The following CAPZB variants were observed in gnomAD, a reference collection of about 807,000 sequenced individuals.
The protein encoded by CAPZB is capping actin protein of muscle Z-line subunit beta.
CAPZB carries 2 observed loss-of-function variants against 38.1 expected under a neutral mutation model. The observed-to-expected ratio is 0.05, with a 90% CI of 0.02 to 0.17. The LOEUF (loss-of-function observed/expected upper bound fraction) is 0.17, where lower values mean the gene tolerates loss of function less well. CAPZB is among the 10% of genes least tolerant of loss of function. The pLI, the probability that CAPZB is intolerant of heterozygous loss-of-function variation, is 1.00. For missense variants in CAPZB, 161 were observed against 334.2 expected (o/e 0.48, Z 4.04); for synonymous variants, 107 against 127.4 (o/e 0.84, Z 1.08).
At chr1:19,455,047 T>A (rs1465857453) in intron 1 of CAPZB, among the ~76,000 whole-genome samples, 1 of 152,170 alleles carries the variant, frequency 6.6e-6, no homozygotes, top group African/African-American at 2.4e-5. Context: ...GCAGCCAGGA[T>A]GCGGAGGGCC....
intron 1 of CAPZB, among the ~76,000 whole-genome samples, chr1:19,431,550 T>C (rs2094441751): frequency 6.6e-6 from 1 of 150,934 alleles, no homozygotes; most frequent in Non-Finnish European, 1.5e-5. Flanking sequence ...TGAAACCCCG[T>C]CTCTACTAAA....
At chr1:19,422,941 A>AAGAC (rs1204694338) in intron 1 of CAPZB, among the ~76,000 whole-genome samples, 6 of 152,232 alleles carry the variant, frequency 3.9e-5, no homozygotes, top group Non-Finnish European at 5.9e-5. Flanking sequence ...TATCTAGGAA[A>AAGAC]AGACCTAAGT....
At chr1:19,458,581 C>A (rs1437698933) in intron 1 of CAPZB, among the ~76,000 whole-genome samples, 1 of 152,228 alleles carries the variant, frequency 6.6e-6, no homozygotes, top group African/African-American at 2.4e-5. Context: ...GTCTTTAACT[C>A]CTGACCTCAG....
intron 6 of CAPZB, among the ~76,000 whole-genome samples, chr1:19,352,463 C>T (rs756350456): frequency 3.3e-5 from 5 of 152,238 alleles, no homozygotes; most frequent in South Asian, 2.1e-4. Flanking sequence ...TTTACAATCT[C>T]GCCTCTTTCC....
At position 19,390,698 on chromosome 1, in the gene CAPZB, G is replaced by A. The variant is rs138748178; in HGVS notation, c.94-5072C>T. Among the ~76,000 whole-genome samples the A allele has an allele frequency of 1.8e-3, 279 of 152,250 alleles. 2 individuals are homozygous for A. The highest frequency in any genetic ancestry group is 5.5e-3 in the African/African-American group (230 of 41,534). ...CCACTGGAAAGACGGGTGGGGAGTGGGTAAAGTGAACTAGGGCAGGGAAAA... is the reference window on the plus strand; with the variant it reads ...CCACTGGAAAGACGGGTGGGGAGTGAGTAAAGTGAACTAGGGCAGGGAAAA... On this transcript the variant is annotated intron_variant, in intron 2 of 8. Coordinates refer to ENST00000264202, the MANE Select transcript of CAPZB (RefSeq NM_004930.5).
At chr1:19,446,339 T>C (rs2094495865) in intron 1 of CAPZB, among the ~76,000 whole-genome samples, 1 of 152,106 alleles carries the variant, frequency 6.6e-6, no homozygotes, top group Non-Finnish European at 1.5e-5. Flanking sequence ...TCAATTACGG[T>C]GAAAAGCCAT....
At chr1:19,377,834 G>A (rs11585834) in intron 4 of CAPZB, among the ~76,000 whole-genome samples, 18,510 of 152,222 alleles carry the variant, frequency 0.12, 2,387 homozygotes, top group African/African-American at 0.33. Context: ...AGGATTAGAC[G>A]GAGCAGGAAG....
chr1:19,366,307 T>TATATATATATAA, intron 4 of CAPZB, among the ~76,000 whole-genome samples: 1 of 74,168 alleles, frequency 1.3e-5, no homozygotes, highest in Non-Finnish European at 2.8e-5. Flanking sequence ...TATATATATA[T>TATATATATATAA]ATAAATAAAA....
chr1:19,457,152 C>T (rs1340422), intron 1 of CAPZB, among the ~76,000 whole-genome samples: 139,825 of 152,238 alleles, frequency 0.92, 65,335 homozygotes, highest in East Asian at 1. Context: ...ATTAGAGACA[C>T]TCACAAAGGG....
At chr1:19,472,431 G>A (rs12144487) in intron 1 of CAPZB, among the ~76,000 whole-genome samples, 73,291 of 152,058 alleles carry the variant, frequency 0.48, 19,073 homozygotes, top group Admixed American at 0.6. Context: ...GTCCCTGGCC[G>A]CAGGTGTAAC....
At chr1:19,439,763 C>T (rs2094469692) in intron 1 of CAPZB, among the ~76,000 whole-genome samples, 1 of 152,266 alleles carries the variant, frequency 6.6e-6, no homozygotes, top group East Asian at 1.9e-4. Context: ...CGAGACCACT[C>T]GCCCTCGGCT....
chr1:19,481,678 G>A (rs192052094), intron 1 of CAPZB, among the ~76,000 whole-genome samples: 2 of 152,322 alleles, frequency 1.3e-5, no homozygotes, highest in Admixed American at 1.3e-4. Context: ...TGGCTGTGCA[G>A]AGGAGCGGAC....
At chr1:19,477,926 C>T (rs949334995) in intron 1 of CAPZB, among the ~76,000 whole-genome samples, 5 of 152,138 alleles carry the variant, frequency 3.3e-5, no homozygotes, top group Admixed American at 2.6e-4. Flanking sequence ...TTGGTAAATA[C>T]GATGCCTGAA....
chr1:19,484,326 G>C (rs2094642716), intron 1 of CAPZB: 1 of 1,588,974 alleles, frequency 6.3e-7, no homozygotes, highest in Non-Finnish European at 8.6e-7. Context: ...GCCCCCCAAG[G>C]CCACGGCCTC....
chr1:19,485,535 A>C lies in CAPZB; in HGVS notation c.-97T>G. On this transcript the variant is annotated 5_prime_UTR_variant, in exon 1 of 9. Transcript: ENST00000264202. ...CCACTTCCCCGGGTGCCCAGGAGTG[A>C]ACATCCGGGTCAGCACCCCCCTCCC... 9.7e-7 allele frequency: 1 copy of C among 1,035,594 alleles called. No individual in the cohort carries two copies. The highest frequency in any genetic ancestry group is 1.7e-5 in the African/African-American group (1 of 60,292). The allele number at this position is 1,035,594 out of a possible 1,614,324, so 64.2% of individuals were successfully genotyped here. A position where few individuals can be genotyped will look rare whatever the true frequency, so the allele number is the denominator to read the frequency against.
At chr1:19,384,061 C>T (rs2100452920) in intron 3 of CAPZB, among the ~76,000 whole-genome samples, 1 of 152,318 alleles carries the variant, frequency 6.6e-6, no homozygotes, top group Middle Eastern at 3.4e-3. Flanking sequence ...TGTCTAGTCT[C>T]TTATAAGTCA....
rs35288971 is a variant in CAPZB, at chr1:19,460,574, C to CTTTTTTTTTT, written c.3+24852_3+24861dup. Among the ~76,000 whole-genome samples, 725 of 90,974 alleles carry CTTTTTTTTTT rather than the reference C, an allele frequency of 8.0e-3. 1 individual carries two copies. Among genetic ancestry groups the CTTTTTTTTTT allele is most frequent in the African/African-American group, 0.024 (530 of 21,764 alleles). The allele number at this position is 90,974 out of a possible 152,430, so 59.7% of individuals were successfully genotyped here. A position where few individuals can be genotyped will look rare whatever the true frequency, so the allele number is the denominator to read the frequency against. Reference sequence around the variant, plus strand: ...ACAGGCGTGAGCCACTGTGCCCAGGCTTTTTTTTTTTTTTTTTTTTTTTGT... The same window carrying CTTTTTTTTTT: ...ACAGGCGTGAGCCACTGTGCCCAGGCTTTTTTTTTTTTTTTTTTTTTTTTTTTTTTTTTGT... On this transcript the variant is annotated intron_variant, in intron 1 of 8. Transcript: ENST00000264202.
At position 19,421,298 on chromosome 1, in the gene CAPZB, A is replaced by G. The variant is rs144086620; in HGVS notation, c.4-1548T>C. ...GCCGTGGGGCAAGGACCCACTTCATAGTCACCAGAGACATAACACATTATT... is the reference window on the plus strand; with the variant it reads ...GCCGTGGGGCAAGGACCCACTTCATGGTCACCAGAGACATAACACATTATT... On this transcript the variant is annotated intron_variant, in intron 1 of 8. Transcript: ENST00000264202. Among the ~76,000 whole-genome samples the G allele has an allele frequency of 1.3e-3, 191 of 152,386 alleles. 1 individual carries two copies. The highest frequency in any genetic ancestry group is 4.5e-3 in the African/African-American group (188 of 41,594).
intron 2 of CAPZB, among the ~76,000 whole-genome samples, chr1:19,396,662 C>T (rs1193157883): frequency 1.3e-5 from 2 of 151,942 alleles, no homozygotes; most frequent in South Asian, 2.1e-4. Context: ...GATTATTGGC[C>T]AGACGCAGTG....
Sources: gnomAD v4.1 joint callset for allele counts (sites outside exome capture counted in the v4.1 genomes callset) on GRCh38, gnomAD v4.1.1 for gene constraint, MANE v1.5 for transcripts, NCBI Gene and HGNC (gene_info 2026-07-23, HGNC 2026-07-21) for gene names.